The following CPA3 variants were observed in gnomAD, a reference collection of about 807,000 sequenced individuals.
CPA3 encodes the protein mast cell carboxypeptidase A.
A neutral mutation model predicts 55.8 loss-of-function variants in CPA3; 52 were observed. That is an observed-to-expected ratio of 0.93 (90% CI 0.75 to 1.17). The LOEUF (loss-of-function observed/expected upper bound fraction) is 1.17. Ranked by LOEUF, CPA3 falls within the 50% of genes most tolerant of loss-of-function variation. CPA3 has a pLI of 0.00. For synonymous variants in CPA3, 179 were observed against 171.2 expected (o/e 1.05, Z -0.36); for missense variants, 547 against 509.1 (o/e 1.07, Z -0.72).
chr3:148,869,736 C>A (rs1000204078), intron 3 of CPA3, among the ~76,000 whole-genome samples: 53 of 152,124 alleles, frequency 3.5e-4, no homozygotes, highest in African/African-American at 1.3e-3. Flanking sequence ...CCAGTCTGGG[C>A]CCTGGGCAGT....
intron 9 of CPA3, 151 bp downstream of exon 9, chr3:148,883,966 T>G: frequency 1.6e-6 from 1 of 627,516 alleles, no homozygotes; most frequent in South Asian, 2.0e-5. Flanking sequence ...AATCATGATC[T>G]TTAGATTGAT....
At chr3:148,875,708 A>AT (rs572804807) in intron 3 of CPA3, among the ~76,000 whole-genome samples, 32 of 152,310 alleles carry the variant, frequency 2.1e-4, no homozygotes, top group Non-Finnish European at 4.0e-4. Flanking sequence ...GACAGACAAG[A>AT]TTTTTTGTGA....
intron 3 of CPA3, among the ~76,000 whole-genome samples, chr3:148,874,566 A>G (rs1156849937): frequency 6.6e-6 from 1 of 152,198 alleles, no homozygotes; most frequent in Non-Finnish European, 1.5e-5. Context: ...GGTTCATCAT[A>G]AGTCAAAAGC....
intron 3 of CPA3, among the ~76,000 whole-genome samples, chr3:148,870,284 T>A (rs1450922036): frequency 6.6e-6 from 1 of 151,934 alleles, no homozygotes; most frequent in African/African-American, 2.4e-5. Flanking sequence ...TGCCATTTTA[T>A]ACCTCCATTA....
chr3:148,879,881 G>A lies in CPA3; in HGVS notation c.568G>A (p.Val190Ile), dbSNP rs766399483. 1.5e-5 allele frequency: 24 copies of A among 1,610,046 alleles called. No individual in the cohort carries two copies. Among genetic ancestry groups the A allele is most frequent in the Non-Finnish European group, 1.8e-5 (21 of 1,176,616 alleles). The change falls in exon 6 of 11, where the codon GTC becomes ATC. Residue 190 changes from valine to isoleucine, a missense_variant. Coordinates refer to ENST00000296046, the MANE Select transcript of CPA3 (RefSeq NM_001870.4). ...WVSPAFCQWFVYQATKTYGRN... is the reference protein window; with the variant it reads ...WVSPAFCQWFIYQATKTYGRN... ...CTCCCCAGCATTCTGCCAGTGGTTT[G>A]TCTATCAGGTAAGTGAATCAGAAGA... is the stretch of plus-strand genomic sequence containing the variant.
At chr3:148,881,275 A>G (rs779650694) in intron 6 of CPA3, among the ~76,000 whole-genome samples, 2 of 152,192 alleles carry the variant, frequency 1.3e-5, no homozygotes, top group African/African-American at 2.4e-5. Context: ...TTGGAATGCT[A>G]TAAGTCTCGA....
chr3:148,877,620 T>C (rs1395790286), intron 3 of CPA3, among the ~76,000 whole-genome samples: 2 of 152,188 alleles, frequency 1.3e-5, no homozygotes, highest in Admixed American at 6.5e-5. Context: ...CTTCAAATCA[T>C]GTTAGCCATT....
At chr3:148,888,304 G>A (rs1714586146) in intron 10 of CPA3, among the ~76,000 whole-genome samples, 1 of 152,168 alleles carries the variant, frequency 6.6e-6, no homozygotes, top group Non-Finnish European at 1.5e-5. Context: ...ACTGGAAAAT[G>A]ACTAAAAAAT....
chr3:148,881,479 TA>T, intron 6 of CPA3, 42 bp from the exon 7 acceptor site: 2 of 1,244,756 alleles, frequency 1.6e-6, no homozygotes, highest in Non-Finnish European at 2.4e-6. Flanking sequence ...ACATAATAGC[TA>T]AACTTCATAC....
chr3:148,868,161 G>A (rs1262032868), intron 2 of CPA3, among the ~76,000 whole-genome samples: 1 of 152,124 alleles, frequency 6.6e-6, no homozygotes, highest in Non-Finnish European at 1.5e-5. Flanking sequence ...CCAAAGTGCT[G>A]GGATTACAGT....
chr3:148,876,374 A>G (rs905014085), intron 3 of CPA3, among the ~76,000 whole-genome samples: 14 of 151,616 alleles, frequency 9.2e-5, no homozygotes, highest in African/African-American at 3.4e-4. Flanking sequence ...AATGATTCTG[A>G]TAAGACATTT....
intron 3 of CPA3, among the ~76,000 whole-genome samples, chr3:148,876,136 G>T (rs1476689538): frequency 6.6e-6 from 1 of 151,336 alleles, no homozygotes; most frequent in Non-Finnish European, 1.5e-5. Context: ...AAAGTAAATG[G>T]TTTTTTAATA....
At position 148,896,568 on chromosome 3, in the gene CPA3, A is replaced by C; in HGVS notation, c.1115A>C (p.Lys372Thr). Reference sequence around the variant, plus strand: ...GACTGGGCTTATGACCTGGGCATCAAACACACATTTGCCTTTGAGCTCCGA... The same window carrying C: ...GACTGGGCTTATGACCTGGGCATCACACACACATTTGCCTTTGAGCTCCGA... The part of the protein sequence containing the change: ...SLDWAYDLGI[K>T]HTFAFELRDK... The change falls in exon 11 of 11, where the codon AAA becomes ACA. Residue 372 changes from lysine (K) to threonine (T), a missense_variant. Coordinates refer to ENST00000296046, the MANE Select transcript of CPA3 (RefSeq NM_001870.4). 1.9e-6 allele frequency: 3 copies of C among 1,570,408 alleles called. No individual in the cohort carries two copies. Among genetic ancestry groups the C allele is most frequent in the Non-Finnish European group, 1.7e-6 (2 of 1,146,964 alleles).
At chr3:148,867,932 G>T (rs1427266552) in intron 2 of CPA3, among the ~76,000 whole-genome samples, 1 of 152,166 alleles carries the variant, frequency 6.6e-6, no homozygotes, top group East Asian at 1.9e-4. Flanking sequence ...TTTTGCTCTT[G>T]TTGCCCAGGC....
At chr3:148,888,295 C>G (rs1559970892) in intron 10 of CPA3, among the ~76,000 whole-genome samples, 1 of 152,200 alleles carries the variant, frequency 6.6e-6, no homozygotes, top group Non-Finnish European at 1.5e-5. Context: ...TTTGGCAGAA[C>G]TGGAAAATGA....
At chr3:148,888,924 A>T (rs1576584886) in intron 10 of CPA3, among the ~76,000 whole-genome samples, 1 of 152,238 alleles carries the variant, frequency 6.6e-6, no homozygotes, top group Non-Finnish European at 1.5e-5. Flanking sequence ...ACTCTTAAGG[A>T]AGTCACATTC....
chr3:148,890,567 T>C (rs1043816617), intron 10 of CPA3, among the ~76,000 whole-genome samples: 8 of 152,242 alleles, frequency 5.3e-5, no homozygotes, highest in African/African-American at 1.7e-4. Flanking sequence ...CTAAGAGACA[T>C]TCAAACTGAT....
At chr3:148,889,198 T>C (rs1714606940) in intron 10 of CPA3, among the ~76,000 whole-genome samples, 2 of 152,208 alleles carry the variant, frequency 1.3e-5, no homozygotes, top group Admixed American at 1.3e-4. Flanking sequence ...GATAGAATGT[T>C]AATCAAACAT....
intron 3 of CPA3, among the ~76,000 whole-genome samples, chr3:148,871,090 G>A (rs1714054517): frequency 1.3e-5 from 2 of 152,014 alleles, no homozygotes; most frequent in Non-Finnish European, 2.9e-5. Flanking sequence ...GTAAAGACGG[G>A]GTTTCACCAT....
Sources: allele counts gnomAD v4.1 joint callset (sites outside exome capture counted in the v4.1 genomes callset), GRCh38; gene constraint gnomAD v4.1.1; transcripts MANE v1.5; gene names NCBI Gene and HGNC (gene_info 2026-07-23, HGNC 2026-07-21).